The following RAB6A variants were observed in gnomAD, a reference collection of about 807,000 sequenced individuals.
The protein encoded by RAB6A is ras-related protein Rab-6A.
In RAB6A, 8 loss-of-function variants were observed where a neutral mutation model predicts 32.3. The observed-to-expected ratio is 0.25, with a 90% CI of 0.15 to 0.45. The LOEUF (loss-of-function observed/expected upper bound fraction) is 0.45, where lower values mean the gene tolerates loss of function less well. RAB6A is among the 20% of genes least tolerant of loss of function. The pLI, the probability that RAB6A is intolerant of heterozygous loss-of-function variation, is 1.00. For synonymous variants in RAB6A, 73 were observed against 82.1 expected (o/e 0.89, Z 0.60); for missense variants, 104 against 249.4 (o/e 0.42, Z 3.93).
At chr11:73,678,665 AT>A (rs1356822516) in intron 7 of RAB6A, among the ~76,000 whole-genome samples, 5 of 149,770 alleles carry the variant, frequency 3.3e-5, no homozygotes, top group African/African-American at 9.8e-5. Flanking sequence ...TCAATAGAAC[AT>A]TTTTTGTTGT....
chr11:73,724,236 T>C (rs1946183059), intron 2 of RAB6A, among the ~76,000 whole-genome samples: 1 of 152,168 alleles, frequency 6.6e-6, no homozygotes, highest in African/African-American at 2.4e-5. Context: ...GAACACTTCA[T>C]TTTCTCTTCC....
intron 6 of RAB6A, among the ~76,000 whole-genome samples, chr11:73,691,360 G>A (rs1404361681): frequency 6.6e-6 from 1 of 152,140 alleles, no homozygotes; most frequent in East Asian, 1.9e-4. Flanking sequence ...TTTTTGTAGG[G>A]ATGGGGGTCT....
chr11:73,705,686 C>T (rs1945827388), intron 6 of RAB6A, among the ~76,000 whole-genome samples: 1 of 151,888 alleles, frequency 6.6e-6, no homozygotes, highest in South Asian at 2.1e-4. Context: ...ATTTAACTGT[C>T]TGTGGCTCCT....
intron 2 of RAB6A, chr11:73,722,305 G>GTATATATATA: frequency 2.4e-5 from 1 of 42,362 alleles, no homozygotes; most frequent in South Asian, 1.0e-3. Flanking sequence ...ATGTGTGTGT[G>GTATATATATA]TATATATATA....
At position 73,727,296 on chromosome 11, in the gene RAB6A, T is replaced by A. The variant is rs12577457; in HGVS notation, c.129+3469A>T. ...TTTTAATTAGCTGGGAGTGGTGGCGTGTACCTGTAGTCCCAGCTACTTAGG... is the reference window on the plus strand; with the variant it reads ...TTTTAATTAGCTGGGAGTGGTGGCGAGTACCTGTAGTCCCAGCTACTTAGG... On this transcript the variant is annotated intron_variant, in intron 2 of 7. Coordinates refer to ENST00000336083, the MANE Select transcript of RAB6A (RefSeq NM_198896.2). Among the ~76,000 whole-genome samples the A allele has an allele frequency of 5.9e-3, 891 of 151,694 alleles. 48 individuals are homozygous for A. In the East Asian group the frequency reaches 0.12, roughly 20 times the overall value.
At chr11:73,687,650 G>C (rs1945480690) in intron 6 of RAB6A, among the ~76,000 whole-genome samples, 1 of 152,234 alleles carries the variant, frequency 6.6e-6, no homozygotes, top group Non-Finnish European at 1.5e-5. Flanking sequence ...GAGGTTAGGA[G>C]TTCCAGGCCA....
At chr11:73,717,783 T>G (rs1317356080) in intron 4 of RAB6A, among the ~76,000 whole-genome samples, 1 of 152,234 alleles carries the variant, frequency 6.6e-6, no homozygotes, top group Non-Finnish European at 1.5e-5. Flanking sequence ...GGAGGATCAC[T>G]TGAACCCAGG....
chr11:73,732,288 A>G (rs1946327404), intron 1 of RAB6A, among the ~76,000 whole-genome samples: 1 of 152,138 alleles, frequency 6.6e-6, no homozygotes, highest in African/African-American at 2.4e-5. Flanking sequence ...TTGGGAGGAT[A>G]AGAACCATAC....
intron 6 of RAB6A, among the ~76,000 whole-genome samples, chr11:73,690,643 G>A (rs1945537248): frequency 6.9e-6 from 1 of 145,268 alleles, no homozygotes; most frequent in Non-Finnish European, 1.5e-5. Context: ...GATGTGGAGA[G>A]AAGAGACACC....
intron 1 of RAB6A, among the ~76,000 whole-genome samples, chr11:73,743,304 CA>C (rs56400918): frequency 0.035 from 3,597 of 103,298 alleles, 124 homozygotes; most frequent in African/African-American, 0.12. Flanking sequence ...AACTCTGTCT[CA>C]AAAAAAAAAA....
At chr11:73,700,620 G>T (rs550207678) in intron 6 of RAB6A, among the ~76,000 whole-genome samples, 14 of 126,952 alleles carry the variant, frequency 1.1e-4, no homozygotes, top group East Asian at 8.1e-4. Flanking sequence ...GGGGGGGGGG[G>T]GGGGAGGAGG....
intron 1 of RAB6A, among the ~76,000 whole-genome samples, chr11:73,746,649 A>G (rs969175712): frequency 6.6e-6 from 1 of 152,138 alleles, no homozygotes; most frequent in Non-Finnish European, 1.5e-5. Context: ...ACACACCTGT[A>G]TTCCCAGCTA....
intron 1 of RAB6A, among the ~76,000 whole-genome samples, chr11:73,746,840 AC>A (rs1205013160): frequency 8.5e-5 from 13 of 152,200 alleles, no homozygotes; most frequent in African/African-American, 2.9e-4. Flanking sequence ...CTACTTACTA[AC>A]CACGCAACCA....
chr11:73,703,753 C>T (rs1369529421), intron 6 of RAB6A, among the ~76,000 whole-genome samples: 1 of 142,084 alleles, frequency 7.0e-6, no homozygotes, highest in East Asian at 2.2e-4. Context: ...AAACCCAAAA[C>T]AAAAACAAAA....
chr11:73,748,997 C>G (rs77034753), intron 1 of RAB6A, among the ~76,000 whole-genome samples: 1 of 152,038 alleles, frequency 6.6e-6, no homozygotes, highest in African/African-American at 2.4e-5. Context: ...TGGCAGCATA[C>G]GCCTGTAATC....
At chr11:73,744,402 T>A (rs983229052) in intron 1 of RAB6A, among the ~76,000 whole-genome samples, 21 of 148,396 alleles carry the variant, frequency 1.4e-4, no homozygotes, top group Admixed American at 1.2e-3. Context: ...TCCCAGCTAC[T>A]CAGGAGGCTG....
Position 73,718,664 on chromosome 11 carries a change from G to C in RAB6A, c.238C>G (p.Pro80Ala). 6.2e-7 allele frequency: 1 copy of C among 1,614,046 alleles called. No homozygotes were observed. Among genetic ancestry groups the C allele is most frequent in the Non-Finnish European group, 8.5e-7 (1 of 1,179,980 alleles). Residue 80 changes from proline to alanine, a missense_variant, in exon 4 of 8, where the codon CCT becomes GCT. Transcript: ENST00000336083. ...ACAGTGGAGTCACGAATGTAGCTAG[G>C]AATCAAGCTCCTGAACCGCTCTTGA... Reference protein sequence around the residue: ...AGQERFRSLIPSYIRDSTVAV... With the variant: ...AGQERFRSLIASYIRDSTVAV...
At chr11:73,698,791 TC>T (rs927545409) in intron 6 of RAB6A, among the ~76,000 whole-genome samples, 2 of 151,768 alleles carry the variant, frequency 1.3e-5, no homozygotes, top group Non-Finnish European at 2.9e-5. Context: ...CCTAGAAGCA[TC>T]CCCAGTTACC....
chr11:73,691,276 C>T (rs1945557131), intron 6 of RAB6A, among the ~76,000 whole-genome samples: 1 of 152,180 alleles, frequency 6.6e-6, no homozygotes, highest in African/African-American at 2.4e-5. Context: ...TGGGGGTTCC[C>T]TGAGACGCCT....
Sources: allele counts gnomAD v4.1 joint callset (sites outside exome capture counted in the v4.1 genomes callset), GRCh38; gene constraint gnomAD v4.1.1; transcripts MANE v1.5; gene names NCBI Gene and HGNC (gene_info 2026-07-23, HGNC 2026-07-21).